The following PRDM16 variants were observed in gnomAD, a reference collection of about 807,000 sequenced individuals.
PRDM16 encodes the protein histone-lysine N-methyltransferase PRDM16.
A neutral mutation model predicts 110.6 loss-of-function variants in PRDM16; 23 were observed. The ratio of observed to expected loss-of-function variants is 0.21; its 90% CI spans 0.15 to 0.29. The LOEUF is 0.29. Among genes scored for constraint, PRDM16 ranks in the 10% least tolerant of loss-of-function variants. The pLI, the probability that PRDM16 is intolerant of heterozygous loss-of-function variation, is 1.00. For missense variants in PRDM16, 1,615 were observed against 1,794.3 expected (o/e 0.90, Z 1.81); for synonymous variants, 799 against 781.8 (o/e 1.02, Z -0.37).
chr1:3,368,495 C>T (rs115288994), intron 3 of PRDM16, among the ~76,000 whole-genome samples: 1,554 of 152,262 alleles, frequency 0.01, 31 homozygotes, highest in African/African-American at 0.036. Context: ...GCAAAGGCCA[C>T]GAACCATGCC....
rs866413714 is a variant in PRDM16, at chr1:3,436,442, C to T, written c.*2631C>T. The T allele has an allele frequency of 2.5e-4, 58 of 230,542 alleles. No homozygotes were observed. The highest frequency in any genetic ancestry group is 1.2e-3 in the African/African-American group (54 of 45,258). 14.3% of individuals were successfully genotyped at this position (230,542 alleles called of 1,614,324 possible). On this transcript the variant is annotated 3_prime_UTR_variant, in exon 17 of 17. Transcript: ENST00000270722. ...TTGCACGTTTTAAGTCATATATTTT[C>T]GTCCCCCTGAAAATGATGGCAAGCC...
At chr1:3,424,153 C>T (rs1271611282) in intron 12 of PRDM16, among the ~76,000 whole-genome samples, 1 of 152,218 alleles carries the variant, frequency 6.6e-6, no homozygotes, top group South Asian at 2.1e-4. Context: ...ACAGAGGCAG[C>T]GCACGTGCAT....
chr1:3,239,971 G>A (rs1639623049), intron 2 of PRDM16, among the ~76,000 whole-genome samples: 1 of 147,592 alleles, frequency 6.8e-6, no homozygotes, highest in South Asian at 2.2e-4. Flanking sequence ...AAGTAAAGAA[G>A]AAAGAAAGAA....
At chr1:3,117,976 G>A (rs896888436) in intron 1 of PRDM16, among the ~76,000 whole-genome samples, 21 of 152,036 alleles carry the variant, frequency 1.4e-4, no homozygotes, top group Non-Finnish European at 2.8e-4. Flanking sequence ...TGCTCATGCT[G>A]TGTGTGTGTA....
At chr1:3,362,406 G>A (rs1383740535) in intron 3 of PRDM16, among the ~76,000 whole-genome samples, 2 of 152,200 alleles carry the variant, frequency 1.3e-5, no homozygotes, top group East Asian at 3.9e-4. Context: ...GGTCATGGTT[G>A]CGGCAAGAAG....
intron 2 of PRDM16, among the ~76,000 whole-genome samples, chr1:3,197,454 G>A (rs1419860438): frequency 6.6e-6 from 1 of 152,252 alleles, no homozygotes; most frequent in African/African-American, 2.4e-5. Flanking sequence ...GAGCCAGGCA[G>A]GGCTGGCACA....
chr1:3,111,673 C>T (rs531399213), intron 1 of PRDM16, among the ~76,000 whole-genome samples: 1 of 152,228 alleles, frequency 6.6e-6, no homozygotes, highest in Admixed American at 6.5e-5. Context: ...GGGCGCAGGC[C>T]GGCTTTCAGG....
intron 2 of PRDM16, among the ~76,000 whole-genome samples, chr1:3,240,150 C>T (rs192165829): frequency 1.4e-3 from 206 of 150,674 alleles, no homozygotes; most frequent in African/African-American, 4.7e-3. Context: ...AAGTTAGAGC[C>T]GAGCTGGGCA....
rs1410545678 is a variant in PRDM16, at chr1:3,436,456, T to C, written c.*2645T>C. The C allele has an allele frequency of 8.6e-6, 2 of 231,446 alleles. No homozygotes were observed. The highest frequency in any genetic ancestry group is 1.2e-4 in the East Asian group (2 of 16,362). The allele number at this position is 231,446 out of a possible 1,614,324, so 14.3% of individuals were successfully genotyped here. On this transcript the variant is annotated 3_prime_UTR_variant, in exon 17 of 17. Transcript: ENST00000270722. ...TCATATATTTTCGTCCCCCTGAAAATGATGGCAAGCCCAGTTTCTCCTGAG... is the reference window on the plus strand; with the variant it reads ...TCATATATTTTCGTCCCCCTGAAAACGATGGCAAGCCCAGTTTCTCCTGAG...
intron 2 of PRDM16, among the ~76,000 whole-genome samples, chr1:3,233,781 G>A (rs12036784): frequency 0.094 from 14,339 of 152,088 alleles, 809 homozygotes; most frequent in South Asian, 0.25. Context: ...GGATCGTGGC[G>A]ATGGTTTCTT....
chr1:3,325,240 G>A (rs1641861485), intron 3 of PRDM16, among the ~76,000 whole-genome samples: 1 of 152,230 alleles, frequency 6.6e-6, no homozygotes, highest in South Asian at 2.1e-4. Flanking sequence ...GCCTGCCAGG[G>A]AGGAGTGACT....
chr1:3,163,697 C>T (rs191067151), intron 1 of PRDM16, among the ~76,000 whole-genome samples: 5 of 152,278 alleles, frequency 3.3e-5, no homozygotes, highest in East Asian at 1.9e-4. Context: ...CTGGGGCTGC[C>T]GGCATCTTTG....
chr1:3,435,255 T>C lies in PRDM16; in HGVS notation c.*1444T>C, dbSNP rs534577310. 4.5e-6 allele frequency: 1 copy of C among 222,334 alleles called. No individual in the cohort carries two copies. Among genetic ancestry groups the C allele is most frequent in the South Asian group, 1.8e-4 (1 of 5,452 alleles). 13.8% of individuals were successfully genotyped at this position (222,334 alleles called of 1,614,324 possible). ...GTAATTTTTTCTAATTCATTTCTTT[T>C]CTTATTTTATTTCCTCCTTAACAGT... On this transcript the variant is annotated 3_prime_UTR_variant, in exon 17 of 17. Transcript: ENST00000270722.
chr1:3,195,396 C>T (rs923920465), intron 2 of PRDM16, among the ~76,000 whole-genome samples: 2 of 152,180 alleles, frequency 1.3e-5, no homozygotes, highest in Non-Finnish European at 2.9e-5. Flanking sequence ...AAGAATACCT[C>T]CCTGATGGCT....
In PRDM16 at chr1:3,425,441, GCAAC is replaced by G; in HGVS notation, c.2940-138_2940-135del. On this transcript the variant is annotated intron_variant, in intron 12 of 16. Coordinates refer to ENST00000270722, the MANE Select transcript of PRDM16 (RefSeq NM_022114.4). The surrounding 1 kb of genome is among the most constrained non-coding windows in gnomAD (Gnocchi z 6.9). ...TTTGGCTCTGCAGCTGGGAGATCCA[GCAAC>G]CTCCGGGACACGGCGGGGCAAAGCT... 1.1e-6 allele frequency: 1 copy of G among 883,286 alleles called. No homozygotes were observed. The highest frequency in any genetic ancestry group is 1.7e-5 in the South Asian group (1 of 57,194). 54.7% of individuals were successfully genotyped at this position (883,286 alleles called of 1,614,324 possible).
intron 3 of PRDM16, among the ~76,000 whole-genome samples, chr1:3,304,951 C>T (rs1414349486): frequency 6.6e-6 from 1 of 152,312 alleles, no homozygotes. Flanking sequence ...TCCCTGGTGC[C>T]CGGCGTCTGT....
chr1:3,205,728 T>G (rs1638738806), intron 2 of PRDM16, among the ~76,000 whole-genome samples: 1 of 152,120 alleles, frequency 6.6e-6, no homozygotes, highest in African/African-American at 2.4e-5. Context: ...GTGGTATGTG[T>G]GAGGTTGGGG....
chr1:3,340,531 A>G (rs1212432365), intron 3 of PRDM16, among the ~76,000 whole-genome samples: 1 of 152,144 alleles, frequency 6.6e-6, no homozygotes. Flanking sequence ...AACTTGCATC[A>G]ATACCATCTA....
chr1:3,335,642 C>CACACACACACACACACA (rs1570095583), intron 3 of PRDM16, among the ~76,000 whole-genome samples: 1 of 146,766 alleles, frequency 6.8e-6, no homozygotes, highest in East Asian at 2.0e-4. Context: ...CACACACACA[C>CACACACACACACACACA]CCTTGGACAT....
Sources: gnomAD v4.1 joint callset for allele counts (sites outside exome capture counted in the v4.1 genomes callset) on GRCh38, gnomAD v4.1.1 for gene constraint, Gnocchi (gnomAD v3.1) non-coding constraint, MANE v1.5 for transcripts, NCBI Gene and HGNC (gene_info 2026-07-23, HGNC 2026-07-21) for gene names.